The following UBTD2 variants were observed in gnomAD, a reference collection of about 807,000 sequenced individuals.
The protein encoded by UBTD2 is ubiquitin domain containing 2.
Under a neutral mutation model 19.8 loss-of-function variants are expected in UBTD2, and 9 were observed. The ratio of observed to expected loss-of-function variants is 0.46; its 90% CI spans 0.27 to 0.79. The LOEUF is 0.79. Among genes scored for constraint, UBTD2 ranks in the 30% least tolerant of loss-of-function variants. The pLI, the probability that UBTD2 is intolerant of heterozygous loss-of-function variation, is 0.14. For synonymous variants in UBTD2, 98 were observed against 103.9 expected, an observed-to-expected ratio of 0.94 and a Z score of 0.35; for missense variants, 250 against 300.4, an observed-to-expected ratio of 0.83 and a Z score of 1.24.
At chr5:172,219,574 G>A (rs1771612809) in intron 2 of UBTD2, among the ~76,000 whole-genome samples, 1 of 152,114 alleles carries the variant, frequency 6.6e-6, no homozygotes, top group African/African-American at 2.4e-5. Flanking sequence ...TAAAACACAA[G>A]AGTAGTGGTG....
rs557676541 is a variant in UBTD2 at position 172,269,423 on chromosome 5, G to A, written c.70+14173C>T. 3.3e-3 allele frequency among the ~76,000 whole-genome samples: 500 copies of A among 150,406 alleles called. 1 individual carries two copies. The highest frequency in any genetic ancestry group is 0.011 in the African/African-American group (460 of 40,870). ...GGAGAATCACTTGAGCCTGGGAGGC[G>A]GAGGTTGCAGTGAGCCGAGACTGCA... On this transcript the variant is annotated intron_variant, in intron 1 of 2. Coordinates refer to ENST00000393792, the MANE Select transcript of UBTD2 (RefSeq NM_152277.3).
At chr5:172,227,510 TATGA>T (rs918261890) in intron 2 of UBTD2, among the ~76,000 whole-genome samples, 1 of 138,914 alleles carries the variant, frequency 7.2e-6, no homozygotes, top group Non-Finnish European at 1.6e-5. Flanking sequence ...GCTTTATGTT[TATGA>T]ATTAACTTAT....
At chr5:172,213,548 C>A (rs534406731) in intron 2 of UBTD2, among the ~76,000 whole-genome samples, 5 of 152,264 alleles carry the variant, frequency 3.3e-5, no homozygotes, top group African/African-American at 1.2e-4. Context: ...GGAAAAAGCA[C>A]TCAAGGTTTT....
intron 1 of UBTD2, among the ~76,000 whole-genome samples, chr5:172,249,046 C>G (rs1184606251): frequency 2.0e-5 from 3 of 151,970 alleles, no homozygotes; most frequent in East Asian, 1.9e-4. Flanking sequence ...TGAGAAGGCA[C>G]AAATAACTAA....
chr5:172,253,457 ATT>A (rs11292185), intron 1 of UBTD2, among the ~76,000 whole-genome samples: 13 of 145,922 alleles, frequency 8.9e-5, no homozygotes, highest in South Asian at 2.2e-4. Context: ...AACCCTATCA[ATT>A]TTTTTTTTTT....
intron 1 of UBTD2, among the ~76,000 whole-genome samples, chr5:172,273,155 G>A (rs1755533523): frequency 6.6e-6 from 1 of 151,354 alleles, no homozygotes; most frequent in Admixed American, 6.6e-5. Flanking sequence ...GCTATCAAAA[G>A]TTAGAAGAGT....
intron 1 of UBTD2, among the ~76,000 whole-genome samples, chr5:172,250,810 G>A (rs1754988330): frequency 6.6e-6 from 1 of 151,814 alleles, no homozygotes; most frequent in African/African-American, 2.4e-5. Flanking sequence ...GCATGCACCT[G>A]TAGTACCAGC....
intron 1 of UBTD2, among the ~76,000 whole-genome samples, chr5:172,244,416 C>G (rs962255430): frequency 6.6e-6 from 1 of 151,380 alleles, no homozygotes; most frequent in Non-Finnish European, 1.5e-5. Context: ...CCTGCCTCAG[C>G]CTCCGGGGTA....
intron 1 of UBTD2, among the ~76,000 whole-genome samples, chr5:172,274,258 A>G (rs201111325): frequency 6.7e-6 from 1 of 149,408 alleles, no homozygotes; most frequent in South Asian, 2.1e-4. Context: ...CTCCTGCCTC[A>G]GCCTCCCAAG....
intron 1 of UBTD2, among the ~76,000 whole-genome samples, chr5:172,265,275 G>A (rs1755353177): frequency 6.6e-6 from 1 of 152,158 alleles, no homozygotes; most frequent in South Asian, 2.1e-4. Flanking sequence ...TACAACTAAG[G>A]AACCAGTCAG....
rs72845197 is a variant in UBTD2, at chr5:172,211,622, A to G, written c.*208T>C. The G allele has an allele frequency of 8.3e-6, 4 of 482,806 alleles. No individual in the cohort carries two copies. Among genetic ancestry groups the G allele is most frequent in the Non-Finnish European group, 1.4e-5 (4 of 282,920 alleles). 29.9% of individuals were successfully genotyped at this position (482,806 alleles called of 1,614,324 possible). A position where few individuals can be genotyped will look rare whatever the true frequency, so the allele number is the denominator to read the frequency against. On this transcript the variant is annotated 3_prime_UTR_variant, in exon 3 of 3. Coordinates refer to ENST00000393792, the MANE Select transcript of UBTD2 (RefSeq NM_152277.3). ...CTTTCAAATTAGAAATTGTAATTAC[A>G]TGAGTCTCAAAGCCTGGCTCTTTGT...
chr5:172,262,432 A>C (rs1293263650), intron 1 of UBTD2, among the ~76,000 whole-genome samples: 1 of 145,732 alleles, frequency 6.9e-6, no homozygotes, highest in Admixed American at 7.0e-5. Flanking sequence ...CCTGGGTGAC[A>C]GAGACAGATC....
intron 1 of UBTD2, among the ~76,000 whole-genome samples, chr5:172,234,806 G>A (rs1017107146): frequency 7.8e-6 from 1 of 128,954 alleles, no homozygotes; most frequent in Non-Finnish European, 1.7e-5. Flanking sequence ...TACTTGGGAG[G>A]CTGAGGTGGG....
At chr5:172,244,455 C>G (rs887883169) in intron 1 of UBTD2, among the ~76,000 whole-genome samples, 2 of 151,902 alleles carry the variant, frequency 1.3e-5, no homozygotes, top group East Asian at 1.9e-4. Context: ...CGCCACCACG[C>G]CCGGCTAATT....
intron 1 of UBTD2, among the ~76,000 whole-genome samples, chr5:172,267,529 T>C (rs1755401385): frequency 6.6e-6 from 1 of 152,192 alleles, no homozygotes. Context: ...CAGTATACGC[T>C]CTCATCAACA....
intron 2 of UBTD2, among the ~76,000 whole-genome samples, chr5:172,221,141 G>A (rs1217468407): frequency 6.6e-6 from 1 of 152,192 alleles, no homozygotes; most frequent in African/African-American, 2.4e-5. Flanking sequence ...TGGATAGGAA[G>A]ACTTAATATT....
intron 1 of UBTD2, among the ~76,000 whole-genome samples, chr5:172,240,600 C>A (rs1772107989): frequency 6.6e-6 from 1 of 152,160 alleles, no homozygotes; most frequent in African/African-American, 2.4e-5. Flanking sequence ...GTAACACCTA[C>A]CGCAACATAG....
At chr5:172,275,202 C>T (rs1755583073) in intron 1 of UBTD2, among the ~76,000 whole-genome samples, 1 of 152,270 alleles carries the variant, frequency 6.6e-6, no homozygotes, top group East Asian at 1.9e-4. Context: ...CGAGCAAAAG[C>T]GGGGAAAGCC....
At chr5:172,280,129 A>T (rs1472031256) in intron 1 of UBTD2, among the ~76,000 whole-genome samples, 1 of 151,864 alleles carries the variant, frequency 6.6e-6, no homozygotes, top group African/African-American at 2.4e-5. Context: ...AAACAATGGG[A>T]AATTCTAGGA....
Sources: allele counts gnomAD v4.1 joint callset (sites outside exome capture counted in the v4.1 genomes callset), GRCh38; gene constraint gnomAD v4.1.1; transcripts MANE v1.5; gene names NCBI Gene and HGNC (gene_info 2026-07-23, HGNC 2026-07-21).